The following MRPS21 variants were observed in gnomAD, a reference collection of about 807,000 sequenced individuals.
The protein encoded by MRPS21 is small ribosomal subunit protein bS21m.
MRPS21 carries 8 observed loss-of-function variants against 9.9 expected under a neutral mutation model. The observed-to-expected ratio is 0.81, with a 90% confidence interval of 0.47 to 1.45. The LOEUF (loss-of-function observed/expected upper bound fraction) is 1.45, where lower values mean the gene tolerates loss of function less well. Among genes scored for constraint, MRPS21 ranks in the 40% most tolerant of loss-of-function variants. The pLI is 0.00. For synonymous variants in MRPS21, 40 were observed against 40.3 expected, an observed-to-expected ratio of 0.99 and a Z score of 0.03; for missense variants, 101 against 118.9, an observed-to-expected ratio of 0.85 and a Z score of 0.70.
At chr1:150,307,348 C>CATTT (rs1654376892) in intron 2 of MRPS21, among the ~76,000 whole-genome samples, 33 of 87,514 alleles carry the variant, frequency 3.8e-4, no homozygotes, top group Non-Finnish European at 4.4e-4. Context: ...GTGCCCAGTC[C>CATTT]TTTTTTTTTT....
chr1:150,307,235 A>G (rs1469460889), intron 2 of MRPS21, among the ~76,000 whole-genome samples: 1 of 151,078 alleles, frequency 6.6e-6, no homozygotes. Context: ...TTTAGTAGAG[A>G]CGGGGTTTCA....
intron 2 of MRPS21, among the ~76,000 whole-genome samples, chr1:150,306,858 A>G (rs1199778462): frequency 9.9e-5 from 15 of 152,038 alleles, no homozygotes; most frequent in Admixed American, 3.9e-4. Flanking sequence ...TCTTACTGAA[A>G]ATGGCTCTCC....
chr1:150,298,462 A>G (rs1041372723), intron 2 of MRPS21, among the ~76,000 whole-genome samples: 30 of 152,262 alleles, frequency 2.0e-4, no homozygotes, highest in African/African-American at 7.0e-4. Flanking sequence ...CTGTTGCTTA[A>G]TGGTAAAACA....
chr1:150,300,236 G>A (rs1026570333), intron 2 of MRPS21, among the ~76,000 whole-genome samples: 27 of 151,992 alleles, frequency 1.8e-4, no homozygotes, highest in African/African-American at 6.3e-4. Context: ...CCAGCTATTC[G>A]GGAGGCTGAG....
intron 2 of MRPS21, among the ~76,000 whole-genome samples, chr1:150,299,447 T>TGTTG (rs1345417002): frequency 2.0e-5 from 3 of 150,752 alleles, no homozygotes; most frequent in African/African-American, 7.3e-5. Context: ...TTCTGTTTTT[T>TGTTG]GTTTGTTTGT....
chr1:150,307,049 A>ATTT (rs1654359200), intron 2 of MRPS21, among the ~76,000 whole-genome samples: 2 of 5,776 alleles, frequency 3.5e-4, no homozygotes, highest in African/African-American at 1.8e-3. Flanking sequence ...TTATTTCCCC[A>ATTT]ATTTTTTTTT....
intron 2 of MRPS21, 44 bp from the exon 3 acceptor site, chr1:150,308,004 A>G (rs1553858784): frequency 6.8e-7 from 1 of 1,471,152 alleles, no homozygotes; most frequent in Non-Finnish European, 9.2e-7. Flanking sequence ...GAAAAGAATA[A>G]TGATGATCCC....
intron 2 of MRPS21, among the ~76,000 whole-genome samples, chr1:150,299,438 T>TTC (rs1486186299): frequency 2.0e-5 from 3 of 149,984 alleles, no homozygotes; most frequent in Non-Finnish European, 3.0e-5. Context: ...TGTTTTTTTT[T>TTC]CTGTTTTTTG....
At chr1:150,300,999 A>G (rs1371627448) in intron 2 of MRPS21, among the ~76,000 whole-genome samples, 1 of 151,558 alleles carries the variant, frequency 6.6e-6, no homozygotes, top group Non-Finnish European at 1.5e-5. Flanking sequence ...GGAGTTCAAG[A>G]CCAGCCTGGC....
Position 150,298,662 on chromosome 1 carries a change from C to T in MRPS21, c.83+4213C>T, listed in dbSNP as rs917184096. 1.5e-4 allele frequency among the ~76,000 whole-genome samples: 23 copies of T among 152,098 alleles called. 1 individual carries two copies. Among genetic ancestry groups the T allele is most frequent in the Admixed American group, 1.3e-3 (20 of 15,270 alleles). On this transcript the variant is annotated intron_variant, in intron 2 of 2. Coordinates refer to ENST00000614145, the MANE Select transcript of MRPS21 (RefSeq NM_031901.6). ...TGTCGCCCAGGCTGGAGCGCAGTGG[C>T]GCAATCTCTGCTCACTGTGACCTCC...
At chr1:150,304,855 C>T (rs782333629) in intron 2 of MRPS21, 8 of 231,910 alleles carry the variant, frequency 3.4e-5, no homozygotes, top group Non-Finnish European at 7.1e-5. Flanking sequence ...AGTTCGAGAC[C>T]AGCCTGCCAA....
intron 2 of MRPS21, among the ~76,000 whole-genome samples, chr1:150,297,656 G>A (rs1441044672): frequency 2.0e-5 from 2 of 99,022 alleles, no homozygotes; most frequent in African/African-American, 5.3e-5. Flanking sequence ...GGGCCACAGA[G>A]TAAGACTCAA....
At position 150,298,022 on chromosome 1, in the gene MRPS21, C is replaced by T. The variant is rs75608527; in HGVS notation, c.83+3573C>T. Among the ~76,000 whole-genome samples, 1,397 of 152,212 alleles carry T rather than the reference C, an allele frequency of 9.2e-3. 17 individuals carry two copies. The highest frequency in any genetic ancestry group is 0.031 in the African/African-American group (1,295 of 41,522). On this transcript the variant is annotated intron_variant, in intron 2 of 2. Transcript: ENST00000614145. ...CATCTCGGCTCACCGCAACCTCTGC[C>T]GCCCATGTTCAAGCGTTTCTCCTGC...
intron 2 of MRPS21, among the ~76,000 whole-genome samples, chr1:150,299,915 C>T (rs2101906161): frequency 6.6e-6 from 1 of 152,184 alleles, no homozygotes; most frequent in East Asian, 1.9e-4. Flanking sequence ...GGGAACGAAC[C>T]ATCAAGAAAA....
intron 2 of MRPS21, among the ~76,000 whole-genome samples, chr1:150,300,172 G>C (rs943979390): frequency 6.6e-6 from 1 of 151,908 alleles, no homozygotes; most frequent in Non-Finnish European, 1.5e-5. Flanking sequence ...GTAAAACCCC[G>C]TCTCTACTAA....
chr1:150,302,263 T>C (rs1211366175), intron 2 of MRPS21, among the ~76,000 whole-genome samples: 2 of 152,136 alleles, frequency 1.3e-5, no homozygotes, highest in Admixed American at 1.3e-4. Flanking sequence ...ACAAAGGAAA[T>C]AGCCTACGTG....
intron 2 of MRPS21, among the ~76,000 whole-genome samples, chr1:150,306,908 AT>A (rs1435659653): frequency 6.6e-6 from 1 of 152,176 alleles, no homozygotes; most frequent in Non-Finnish European, 1.5e-5. Flanking sequence ...GTTGAGAATC[AT>A]TGCTGTAGGG....
rs1020907408 is a variant in MRPS21, at chr1:150,308,440, C to G, written c.*212C>G. The G allele has an allele frequency of 2.1e-6, 1 of 472,012 alleles. No homozygotes were observed. The highest frequency in any genetic ancestry group is 1.9e-5 in the African/African-American group (1 of 52,352). 29.2% of individuals were successfully genotyped at this position (472,012 alleles called of 1,614,324 possible). A position where few individuals can be genotyped will look rare whatever the true frequency, so the allele number is the denominator to read the frequency against. ...AGAAGAAACTGAGTCTGAAAGTACTCTAGGAGTAGAATGGTATTTGCCAGG... is the reference window on the plus strand; with the variant it reads ...AGAAGAAACTGAGTCTGAAAGTACTGTAGGAGTAGAATGGTATTTGCCAGG... On this transcript the variant is annotated 3_prime_UTR_variant, in exon 3 of 3. Transcript: ENST00000614145.
intron 2 of MRPS21, among the ~76,000 whole-genome samples, chr1:150,296,479 T>G (rs1653919483): frequency 6.6e-6 from 1 of 152,338 alleles, no homozygotes; most frequent in East Asian, 1.9e-4. Flanking sequence ...AGAGGATTGC[T>G]TGAACCCAGG....
Sources: allele counts gnomAD v4.1 joint callset (sites outside exome capture counted in the v4.1 genomes callset), GRCh38; gene constraint gnomAD v4.1.1; transcripts MANE v1.5; gene names NCBI Gene and HGNC (gene_info 2026-07-23, HGNC 2026-07-21).